CFHR2: variants seen among roughly 807,000 people sequenced by gnomAD.
The protein encoded by CFHR2 is complement factor H-related protein 2.
Under a neutral mutation model 21.7 loss-of-function variants are expected in CFHR2, and 22 were observed. The observed-to-expected ratio is 1.01, with a 90% CI of 0.72 to 1.45. CFHR2 has a LOEUF of 1.45. Among genes scored for constraint, CFHR2 ranks in the 40% most tolerant of loss-of-function variants. The probability of loss-of-function intolerance (pLI) is 0.00; values close to 1 mark genes in which losing one functional copy is unlikely to be tolerated. For missense variants in CFHR2, 294 were observed against 293.3 expected (o/e 1.00, Z -0.02); for synonymous variants, 98 against 97.4 (o/e 1.01, Z -0.04).
rs148175483 is a variant in CFHR2 at position 196,949,475 on chromosome 1, A to G, written c.79A>G (p.Lys27Glu). Residue 27 changes from lysine (K) to glutamate (E), a missense_variant, in exon 2 of 5, where the codon AAA becomes GAA. Coordinates refer to ENST00000367415, the MANE Select transcript of CFHR2 (RefSeq NM_005666.4). Reference sequence around the variant, plus strand: ...CCCAGCAATGTTCTGTGATTTTCCAAAAATAAACCATGGAATTCTATATGA... The same window carrying G: ...CCCAGCAATGTTCTGTGATTTTCCAGAAATAAACCATGGAATTCTATATGA... Reference protein sequence around the residue: ...GGEAMFCDFPKINHGILYDEE... With the variant: ...GGEAMFCDFPEINHGILYDEE... 1.6e-4 allele frequency: 256 copies of G among 1,613,268 alleles called. 1 individual carries two copies. The African/African-American group carries it at 2.9e-3, about 18-fold the overall frequency.
In CFHR2 at chr1:196,959,072, G is replaced by A. The variant is rs753517273; in HGVS notation, c.805G>A (p.Glu269Lys). 1 of 1,595,196 alleles carries A rather than the reference G, an allele frequency of 6.3e-7. No individual in the cohort carries two copies. The highest frequency in any genetic ancestry group is 1.3e-5 in the African/African-American group (1 of 74,374). ...GAAACTGGTATATCCCAGTTGTGAAGAAAAATAGAATCAATGGCATTACTA... is the reference window on the plus strand; with the variant it reads ...GAAACTGGTATATCCCAGTTGTGAAAAAAAATAGAATCAATGGCATTACTA... ...NGKLVYPSCE[E>K]K Residue 269 changes from glutamate to lysine, a missense_variant, in exon 5 of 5, where the codon GAA (glutamate) becomes AAA (lysine). Physicochemically the swap from Glu to Lys is moderately conservative, Grantham distance 56. Transcript: ENST00000367415.
intron 1 of CFHR2, 32 bp from the exon 2 acceptor site, chr1:196,949,423 T>C: frequency 3.2e-6 from 5 of 1,570,246 alleles, no homozygotes; most frequent in Non-Finnish European, 4.4e-6. Context: ...TAGCTTATTA[T>C]GTAATTCTTC....
rs748848486 is a variant in CFHR2 at position 196,958,989 on chromosome 1, G to T, written c.722G>T (p.Cys241Phe). 178 of 1,612,064 alleles carry T rather than the reference G, an allele frequency of 1.1e-4. No individual in the cohort carries two copies. The highest frequency in any genetic ancestry group is 1.5e-4 in the Non-Finnish European group (178 of 1,178,732). Residue 241 changes from cysteine (C) to phenylalanine (F), a missense_variant, in exon 5 of 5, where the codon TGT becomes TTT. By Grantham distance (205) the Cys-to-Phe change is radical. Coordinates refer to ENST00000367415, the MANE Select transcript of CFHR2 (RefSeq NM_005666.4). Reference protein sequence around the residue: ...SRTGDIVEFVCKSGYHPTKSH... With the variant: ...SRTGDIVEFVFKSGYHPTKSH... ...ACAGGTGACATAGTTGAATTTGTTT[G>T]TAAATCTGGATATCATCCAACAAAA...
At position 196,958,850 on chromosome 1, in the gene CFHR2, A is replaced by T. The variant is rs568693244; in HGVS notation, c.614-31A>T. 138 of 1,389,650 alleles carry T rather than the reference A, an allele frequency of 9.9e-5. No individual in the cohort carries two copies. The Middle Eastern group carries it at 1.5e-3, about 15-fold the overall frequency. 86.1% of individuals were successfully genotyped at this position (1,389,650 alleles called of 1,614,324 possible). A position where few individuals can be genotyped will look rare whatever the true frequency, so the allele number is the denominator to read the frequency against. On this transcript the variant is annotated intron_variant, in intron 4 of 4. Coordinates refer to ENST00000367415, the MANE Select transcript of CFHR2 (RefSeq NM_005666.4). ...TCTATGAAGATTTGCATACTACTTA[A>T]TGTTTTATGTTCATTTTTTTCTACT...
rs1455857139 is a variant in CFHR2, at chr1:196,949,498, T to C, written c.102T>C (p.Tyr34=). Residue 34 remains tyrosine (Y), a synonymous_variant, in exon 2 of 5, where the codon TAT becomes TAC. Coordinates refer to ENST00000367415, the MANE Select transcript of CFHR2 (RefSeq NM_005666.4). ...DFPKINHGIL[Y]DEEKYKPFSQ... ...CAAAAATAAACCATGGAATTCTATA[T>C]GATGAAGAAAAATATAAGCCATTTT... 3.1e-6 allele frequency: 5 copies of C among 1,613,888 alleles called. No homozygotes were observed. Among genetic ancestry groups the C allele is most frequent in the Admixed American group, 1.7e-5 (1 of 59,954 alleles).
intron 2 of CFHR2, among the ~76,000 whole-genome samples, chr1:196,950,354 G>A (rs986513039): frequency 2.8e-4 from 43 of 152,068 alleles, no homozygotes; most frequent in African/African-American, 1.0e-3. Flanking sequence ...ACATATAAAG[G>A]AACCAAAAAT....
intron 2 of CFHR2, among the ~76,000 whole-genome samples, chr1:196,950,038 T>C (rs1474794093): frequency 6.6e-6 from 1 of 152,220 alleles, no homozygotes. Context: ...GTTTAGCATT[T>C]TCACTTTTAT....
At chr1:196,958,129 A>G (rs1366603154) in intron 4 of CFHR2, 56 bp downstream of exon 4, 2 of 1,517,070 alleles carry the variant, frequency 1.3e-6, no homozygotes, top group African/African-American at 1.4e-5. Context: ...TGAGTCTGAT[A>G]TTTCACTGTT....
At chr1:196,956,828 T>C (rs373221715) in intron 3 of CFHR2, among the ~76,000 whole-genome samples, 5 of 152,312 alleles carry the variant, frequency 3.3e-5, no homozygotes, top group African/African-American at 1.2e-4. Flanking sequence ...AAATTTATTC[T>C]AGATATTTTA....
intron 1 of CFHR2, 79 bp from the exon 2 acceptor site, chr1:196,949,376 T>A: frequency 7.3e-7 from 1 of 1,370,902 alleles, no homozygotes; most frequent in South Asian, 1.4e-5. Flanking sequence ...AAAAACTAAA[T>A]GAGATGATTA....
intron 1 of CFHR2, among the ~76,000 whole-genome samples, chr1:196,946,538 T>A (rs2125002624): frequency 6.6e-6 from 1 of 152,302 alleles, no homozygotes; most frequent in South Asian, 2.1e-4. Flanking sequence ...ATCTTTTAAA[T>A]ATTTTACTTA....
chr1:196,956,863 T>A (rs1166790534), intron 3 of CFHR2, among the ~76,000 whole-genome samples: 1 of 151,348 alleles, frequency 6.6e-6, no homozygotes, highest in Admixed American at 6.6e-5. Flanking sequence ...AGTACTCGAT[T>A]GCAAAAATCT....
intron 1 of CFHR2, 39 bp from the exon 2 acceptor site, chr1:196,949,416 C>G (rs1441786201): frequency 1.3e-6 from 2 of 1,552,374 alleles, no homozygotes; most frequent in Admixed American, 3.5e-5. Flanking sequence ...ATTTATGTAG[C>G]TTATTATGTA....
intron 1 of CFHR2, among the ~76,000 whole-genome samples, chr1:196,946,974 G>C (rs756168108): frequency 1.3e-5 from 2 of 152,142 alleles, no homozygotes; most frequent in Non-Finnish European, 2.9e-5. Context: ...CCACAAACAT[G>C]TGAGTAATAT....
intron 1 of CFHR2, among the ~76,000 whole-genome samples, chr1:196,947,133 G>A (rs1659535456): frequency 6.8e-6 from 1 of 147,626 alleles, no homozygotes; most frequent in Admixed American, 6.7e-5. Context: ...ATATGTATGT[G>A]TGTGTGTGTG....
intron 3 of CFHR2, among the ~76,000 whole-genome samples, chr1:196,952,853 C>T (rs1268285800): frequency 6.6e-6 from 1 of 152,332 alleles, no homozygotes; most frequent in East Asian, 1.9e-4. Flanking sequence ...ACAAAGAACA[C>T]ATCTTTTTGT....
intron 3 of CFHR2, among the ~76,000 whole-genome samples, chr1:196,955,099 C>T (rs1378948826): frequency 6.6e-6 from 1 of 152,228 alleles, no homozygotes; most frequent in Non-Finnish European, 1.5e-5. Flanking sequence ...AACTTTTATA[C>T]TCTGTCACTC....
At chr1:196,951,898 T>C (rs988963027) in intron 3 of CFHR2, among the ~76,000 whole-genome samples, 1 of 152,028 alleles carries the variant, frequency 6.6e-6, no homozygotes, top group Non-Finnish European at 1.5e-5. Flanking sequence ...CTGTGGTAGT[T>C]TGGGGTTTCA....
At position 196,959,243 on chromosome 1, in the gene CFHR2, A is replaced by G. The variant is rs1263982843; in HGVS notation, c.*163A>G. ...CAATTACAATCTGAGATGTGTCACAATGGTGAGGACTATCTTCACCAAATC... is the reference window on the plus strand; with the variant it reads ...CAATTACAATCTGAGATGTGTCACAGTGGTGAGGACTATCTTCACCAAATC... On this transcript the variant is annotated 3_prime_UTR_variant, in exon 5 of 5. Coordinates refer to ENST00000367415, the MANE Select transcript of CFHR2 (RefSeq NM_005666.4). The G allele has an allele frequency of 3.4e-6, 2 of 594,886 alleles. No homozygotes were observed. Among genetic ancestry groups the G allele is most frequent in the Admixed American group, 3.5e-5 (1 of 28,956 alleles). 36.9% of individuals were successfully genotyped at this position (594,886 alleles called of 1,614,324 possible). A position where few individuals can be genotyped will look rare whatever the true frequency, so the allele number is the denominator to read the frequency against.
Sources: allele counts gnomAD v4.1 joint callset (sites outside exome capture counted in the v4.1 genomes callset), GRCh38; gene constraint gnomAD v4.1.1; transcripts MANE v1.5; gene names NCBI Gene and HGNC (gene_info 2026-07-23, HGNC 2026-07-21).